EXTL3: variants seen among roughly 807,000 people sequenced by gnomAD.
EXTL3 encodes the protein exostosin-like 3.
In EXTL3, 27 loss-of-function variants were observed where a neutral mutation model predicts 69.3. That is an observed-to-expected ratio of 0.39 (90% CI 0.29 to 0.54). The LOEUF (loss-of-function observed/expected upper bound fraction) is 0.54, where lower values mean the gene tolerates loss of function less well. Among genes scored for constraint, EXTL3 ranks in the 20% least tolerant of loss-of-function variants. The pLI is 0.69. For synonymous variants in EXTL3, 511 were observed against 499.4 expected, an observed-to-expected ratio of 1.02 and a Z score of -0.31; for missense variants, 1,003 against 1,231.8, an observed-to-expected ratio of 0.81 and a Z score of 2.78.
chr8:28,627,335 CA>C (rs1806508394), intron 1 of EXTL3, among the ~76,000 whole-genome samples: 1 of 151,756 alleles, frequency 6.6e-6, no homozygotes, highest in South Asian at 2.1e-4. Flanking sequence ...CAAAAATATA[CA>C]AAAATTAGCC....
upstream of EXTL3, among the ~76,000 whole-genome samples, chr8:28,620,852 G>A (rs1383605332): frequency 6.6e-6 from 1 of 152,004 alleles, no homozygotes; most frequent in African/African-American, 2.4e-5. Flanking sequence ...AAGTAGCTGG[G>A]GCTATGGTGG....
At chr8:28,695,535 CCT>C (rs1393670928) in intron 1 of EXTL3, among the ~76,000 whole-genome samples, 1 of 152,172 alleles carries the variant, frequency 6.6e-6, no homozygotes, top group Non-Finnish European at 1.5e-5. Context: ...TGTTTGTTTC[CCT>C]CTCTATGCTG....
intron 1 of EXTL3, among the ~76,000 whole-genome samples, chr8:28,666,432 C>T (rs1807197728): frequency 6.6e-6 from 1 of 152,108 alleles, no homozygotes; most frequent in Admixed American, 6.5e-5. Context: ...CGTGTACCAC[C>T]AAGCCTGGCT....
chr8:28,713,097 A>G (rs1285715328), intron 1 of EXTL3, among the ~76,000 whole-genome samples: 1 of 152,184 alleles, frequency 6.6e-6, no homozygotes, highest in Non-Finnish European at 1.5e-5. Flanking sequence ...AATTCCAGGT[A>G]TATCATTTCA....
At chr8:28,658,487 A>T (rs1035652977) in intron 1 of EXTL3, among the ~76,000 whole-genome samples, 14 of 152,138 alleles carry the variant, frequency 9.2e-5, no homozygotes, top group Non-Finnish European at 1.6e-4. Context: ...CCTTGTAAAC[A>T]AAAGGAAGTG....
At chr8:28,668,694 A>T (rs1321724837) in intron 1 of EXTL3, among the ~76,000 whole-genome samples, 1 of 151,740 alleles carries the variant, frequency 6.6e-6, no homozygotes, top group African/African-American at 2.4e-5. Flanking sequence ...ATTAATTTTC[A>T]CATTTTATTG....
Position 28,716,112 on chromosome 8 carries a change from C to T in EXTL3, c.53C>T (p.Thr18Ile), listed in dbSNP as rs760747700. 1.2e-6 allele frequency: 2 copies of T among 1,613,242 alleles called. No homozygotes were observed. The highest frequency in any genetic ancestry group is 1.3e-5 in the African/African-American group (1 of 74,928). The change falls in exon 3 of 7, where the codon ACC becomes ATC. Residue 18 changes from threonine (T) to isoleucine (I), a missense_variant. By Grantham distance (89) the Thr-to-Ile change is moderately conservative (BLOSUM62 -1). Transcript: ENST00000220562. The surrounding 1 kb of genome is among the most constrained non-coding windows in gnomAD (Gnocchi z 7.1). ...RNGGAGNGGQ[T>I]CMLRWSNRIR... ...GGGGGCGCGGGGAACGGAGGTCAGA[C>T]CTGCATGCTGCGCTGGTCCAACCGC...
chr8:28,716,571 C>T lies in EXTL3; in HGVS notation c.512C>T (p.Pro171Leu), dbSNP rs749286787. 7.4e-6 allele frequency: 12 copies of T among 1,614,096 alleles called. No individual in the cohort carries two copies. Among genetic ancestry groups the T allele is most frequent in the Admixed American group, 5.0e-5 (3 of 60,010 alleles). The change falls in exon 3 of 7, where the codon CCG becomes CTG. Residue 171 changes from proline to leucine, a missense_variant. Pro to Leu is a moderately conservative substitution (Grantham distance 98). Coordinates refer to ENST00000220562, the MANE Select transcript of EXTL3 (RefSeq NM_001440.4). This position sits in a 1 kb window ranked among gnomAD's most constrained non-coding sequence, Gnocchi z 7.1. ...AAGGACGATGCCGGCCTCCCTCCCC[C>T]GAAGGCCACTCGGGGCTGCCGGCTA... ...PEKDDAGLPP[P>L]KATRGCRLHN...
intron 1 of EXTL3, among the ~76,000 whole-genome samples, chr8:28,674,675 G>A (rs969243864): frequency 1.3e-5 from 2 of 152,180 alleles, no homozygotes; most frequent in Non-Finnish European, 2.9e-5. Flanking sequence ...AGCATTAATT[G>A]GGAAAGAATG....
At chr8:28,744,792 C>CA (rs56932280) in intron 6 of EXTL3, among the ~76,000 whole-genome samples, 36,288 of 137,422 alleles carry the variant, frequency 0.26, 4,683 homozygotes, top group Middle Eastern at 0.32. Flanking sequence ...GACTCCATCT[C>CA]AAAAAAAAAA....
intron 3 of EXTL3, among the ~76,000 whole-genome samples, chr8:28,729,766 G>A (rs1030419870): frequency 5.9e-5 from 9 of 151,926 alleles, no homozygotes; most frequent in East Asian, 1.9e-4. Context: ...TTTCGGAGCC[G>A]AGATAGGAGG....
At chr8:28,627,949 A>C (rs1390625934) in intron 1 of EXTL3, among the ~76,000 whole-genome samples, 1 of 152,174 alleles carries the variant, frequency 6.6e-6, no homozygotes, top group East Asian at 1.9e-4. Context: ...TGGGGAGTTC[A>C]TGTTTAATGG....
At position 28,731,445 on chromosome 8, in the gene EXTL3, G is replaced by A. The variant is rs1038581386; in HGVS notation, c.2276+95G>A. ...GAATTTTTTGGCTGATGGTAACTGA[G>A]AACCCCTTGCAGATAGTCAGGGCTG... On this transcript the variant is annotated intron_variant, in intron 4 of 6. Transcript: ENST00000220562. 4 of 1,347,970 alleles carry A rather than the reference G, an allele frequency of 3.0e-6. No individual in the cohort carries two copies. In the African/African-American group the frequency reaches 4.3e-5, roughly 14 times the overall value. The allele number at this position is 1,347,970 out of a possible 1,614,324, so 83.5% of individuals were successfully genotyped here. A position where few individuals can be genotyped will look rare whatever the true frequency, so the allele number is the denominator to read the frequency against.
intron 5 of EXTL3, chr8:28,741,477 G>C (rs1801778709): frequency 6.6e-6 from 1 of 151,318 alleles, no homozygotes; most frequent in Admixed American, 6.6e-5. Flanking sequence ...TTTTGAGACG[G>C]AATCTCACTG....
chr8:28,711,389 G>A (rs1298732730), intron 1 of EXTL3, among the ~76,000 whole-genome samples: 3 of 151,900 alleles, frequency 2.0e-5, no homozygotes, highest in African/African-American at 7.3e-5. Flanking sequence ...TTATTGATTC[G>A]AGACTTTTCT....
chr8:28,621,185 A>C (rs1005035707), upstream of EXTL3, among the ~76,000 whole-genome samples: 1 of 152,140 alleles, frequency 6.6e-6, no homozygotes, highest in South Asian at 2.1e-4. Context: ...AGTACCTCAG[A>C]ATATGACCTT....
chr8:28,719,193 T>G (rs1383563596), intron 3 of EXTL3, among the ~76,000 whole-genome samples: 3 of 152,214 alleles, frequency 2.0e-5, no homozygotes, highest in Admixed American at 6.5e-5. Flanking sequence ...AGCAGCAGCA[T>G]GGTGTAATAA....
At position 28,716,429 on chromosome 8, in the gene EXTL3, G is replaced by A. The variant is rs764690060; in HGVS notation, c.370G>A (p.Ala124Thr). The A allele has an allele frequency of 6.2e-7, 1 of 1,613,616 alleles. No homozygotes were observed. The highest frequency in any genetic ancestry group is 8.5e-7 in the Non-Finnish European group (1 of 1,179,926). ...AGCCTGTAAGAAGAGCATTGAGAAC[G>A]CCAAGCAGGACCTGCTCCAGCTCAA... ...IEACKKSIEN[A>T]KQDLLQLKNV... The change falls in exon 3 of 7, where the codon GCC (alanine) becomes ACC (threonine). Residue 124 changes from alanine to threonine, a missense_variant. Physicochemically the swap from Ala to Thr is moderately conservative, Grantham distance 58. This residue lies in a region of EXTL3 where 742 missense variants were observed against 815.4 expected (regional missense o/e 0.91). Coordinates refer to ENST00000220562, the MANE Select transcript of EXTL3 (RefSeq NM_001440.4). The surrounding 1 kb of genome is among the most constrained non-coding windows in gnomAD (Gnocchi z 7.1).
intron 2 of EXTL3, among the ~76,000 whole-genome samples, chr8:28,617,151 T>C (rs1228001429): frequency 6.6e-6 from 1 of 152,178 alleles, no homozygotes; most frequent in Non-Finnish European, 1.5e-5. Context: ...TGCCCTGTCC[T>C]ACTCATGCCA....
Sources: gnomAD v4.1 joint callset for allele counts (sites outside exome capture counted in the v4.1 genomes callset) on GRCh38, gnomAD v4.1.1 for gene constraint, gnomAD v4.1.1 regional missense constraint, Gnocchi (gnomAD v3.1) non-coding constraint, MANE v1.5 for transcripts, NCBI Gene and HGNC (gene_info 2026-07-23, HGNC 2026-07-21) for gene names.